The following QTMAN variants were observed in gnomAD, a reference collection of about 807,000 sequenced individuals.
The protein encoded by QTMAN is tRNA-queuosine alpha-mannosyltransferase.
chr2:144,014,330 G>A, the QTMAN span, among the ~76,000 whole-genome samples: 2 of 152,164 alleles, frequency 1.3e-5, no homozygotes, highest in Admixed American at 1.3e-4. Context: ...TAGCCCAACC[G>A]TGGCTGTGAG....
chr2:144,114,121 C>T, the QTMAN span, among the ~76,000 whole-genome samples: 2 of 152,134 alleles, frequency 1.3e-5, no homozygotes, highest in African/African-American at 2.4e-5. Context: ...AATGAGTTTG[C>T]ATCATCTGTC....
At chr2:144,292,887 C>T in the QTMAN span, among the ~76,000 whole-genome samples, 2 of 152,080 alleles carry the variant, frequency 1.3e-5, no homozygotes. Context: ...AGATAATACT[C>T]ACAAATTATC....
At chr2:144,213,293 CCT>C in the QTMAN span, among the ~76,000 whole-genome samples, 2 of 152,066 alleles carry the variant, frequency 1.3e-5, no homozygotes, top group Admixed American at 1.3e-4. Context: ...TTTTTGTCTA[CCT>C]CCTTTAGCAT....
the QTMAN span, among the ~76,000 whole-genome samples, chr2:144,234,066 C>A: frequency 6.6e-6 from 1 of 152,150 alleles, no homozygotes; most frequent in Non-Finnish European, 1.5e-5. Flanking sequence ...GTGTCAGCTG[C>A]TATTCTGACC....
chr2:143,998,437 G>A, the QTMAN span, among the ~76,000 whole-genome samples: 1 of 151,028 alleles, frequency 6.6e-6, no homozygotes, highest in East Asian at 2.0e-4. Flanking sequence ...GACAGAAGGG[G>A]GGGGAAAGCT....
At chr2:143,958,178 A>G in the QTMAN span, among the ~76,000 whole-genome samples, 1 of 152,160 alleles carries the variant, frequency 6.6e-6, no homozygotes, top group African/African-American at 2.4e-5. Flanking sequence ...CTTAGTTCAA[A>G]GGAAATCTGA....
chr2:144,182,842 ATATATATATT>A, the QTMAN span, among the ~76,000 whole-genome samples: 1 of 62,026 alleles, frequency 1.6e-5, no homozygotes, highest in Non-Finnish European at 2.8e-5. Flanking sequence ...TATATATATT[ATATATATATT>A]TTATATATAA....
the QTMAN span, among the ~76,000 whole-genome samples, chr2:144,102,686 T>C: frequency 6.6e-6 from 1 of 152,230 alleles, no homozygotes; most frequent in East Asian, 1.9e-4. Flanking sequence ...CACTCTGAAA[T>C]GTGGTCAGTG....
At chr2:144,306,521 T>A in the QTMAN span, among the ~76,000 whole-genome samples, 1 of 152,152 alleles carries the variant, frequency 6.6e-6, no homozygotes, top group Non-Finnish European at 1.5e-5. Context: ...TTTTTCCTTC[T>A]TCTTCTAAGA....
the QTMAN span, among the ~76,000 whole-genome samples, chr2:144,201,783 G>C: frequency 2.6e-5 from 4 of 152,232 alleles, no homozygotes; most frequent in African/African-American, 9.6e-5. Flanking sequence ...TTTTGACCAA[G>C]CCATCCCACC....
At chr2:144,257,401 A>G in the QTMAN span, among the ~76,000 whole-genome samples, 1 of 151,970 alleles carries the variant, frequency 6.6e-6, no homozygotes, top group Admixed American at 6.5e-5. Context: ...AGAAGGAGAG[A>G]GAAAAAAAAA....
the QTMAN span, among the ~76,000 whole-genome samples, chr2:144,276,152 A>C: frequency 6.6e-6 from 1 of 152,120 alleles, no homozygotes; most frequent in Non-Finnish European, 1.5e-5. Flanking sequence ...TCTACAAAGA[A>C]AGGTGTCTAC....
chr2:144,153,707 A>G, the QTMAN span, among the ~76,000 whole-genome samples: 5 of 152,286 alleles, frequency 3.3e-5, no homozygotes, highest in East Asian at 9.6e-4. Context: ...AACAAAAACA[A>G]AAACAAAAAC....
the QTMAN span, among the ~76,000 whole-genome samples, chr2:144,106,531 G>C: frequency 6.6e-5 from 10 of 152,104 alleles, no homozygotes; most frequent in African/African-American, 2.4e-4. Context: ...AATGGTAAAG[G>C]GATCAATTCA....
the QTMAN span, among the ~76,000 whole-genome samples, chr2:144,246,571 C>A: frequency 8.0e-6 from 1 of 124,630 alleles, no homozygotes; most frequent in East Asian, 2.3e-4. Flanking sequence ...CAGAGCGAGA[C>A]TCCGTCTCAA....
At chr2:144,182,853 T>TTATATATAATA in the QTMAN span, among the ~76,000 whole-genome samples, 1 of 47,306 alleles carries the variant, frequency 2.1e-5, no homozygotes, top group Non-Finnish European at 4.2e-5. Flanking sequence ...TATATATATT[T>TTATATATAATA]TATATATAAT....
the QTMAN span, among the ~76,000 whole-genome samples, chr2:144,062,017 G>A: frequency 4.6e-5 from 7 of 152,200 alleles, no homozygotes; most frequent in South Asian, 4.1e-4. Context: ...AAATCCCCGC[G>A]TTCACCATCC....
At chr2:143,954,849 A>G in the QTMAN span, among the ~76,000 whole-genome samples, 16 of 152,126 alleles carry the variant, frequency 1.1e-4, no homozygotes, top group East Asian at 3.8e-4. Context: ...CAGAGTTCCA[A>G]CTGATCTATT....
chr2:144,174,604 C>T, the QTMAN span, among the ~76,000 whole-genome samples: 2 of 152,102 alleles, frequency 1.3e-5, no homozygotes, highest in Non-Finnish European at 1.5e-5. Flanking sequence ...CCTATAATCC[C>T]CACGTGTTGT....
Sources: allele counts gnomAD v4.1 joint callset (sites outside exome capture counted in the v4.1 genomes callset), GRCh38; gene constraint gnomAD v4.1.1; transcripts MANE v1.5; gene names NCBI Gene and HGNC (gene_info 2026-07-23, HGNC 2026-07-21).